The following NDUFB6 variants were observed in gnomAD, a reference collection of about 807,000 sequenced individuals.
The protein encoded by NDUFB6 is NADH dehydrogenase [ubiquinone] 1 beta subcomplex subunit 6.
A neutral mutation model predicts 17.5 loss-of-function variants in NDUFB6; 23 were observed. The observed-to-expected ratio is 1.31, with a 90% CI of 0.94 to 1.86. The LOEUF (loss-of-function observed/expected upper bound fraction) is 1.86. Ranked by LOEUF, NDUFB6 falls within the 40% of genes most tolerant of loss-of-function variation. NDUFB6 has a pLI of 0.00. For missense variants in NDUFB6, 167 were observed against 153.8 expected (o/e 1.09, Z -0.46); for synonymous variants, 60 against 53.5 (o/e 1.12, Z -0.53).
At chr9:32,566,521 C>T in intron 2 of NDUFB6, 1 of 770,218 alleles carries the variant, frequency 1.3e-6, no homozygotes, top group Non-Finnish European at 2.4e-6. Flanking sequence ...GAGACGGCTG[C>T]CACCCTTGGC....
intron 3 of NDUFB6, among the ~76,000 whole-genome samples, chr9:32,554,265 T>C (rs10971022): frequency 0.2 from 29,813 of 152,098 alleles, 3,212 homozygotes; most frequent in Non-Finnish European, 0.25. Context: ...CAGAAAGAAG[T>C]TGCAAGGAAA....
chr9:32,571,435 T>C (rs1358623389), intron 1 of NDUFB6, among the ~76,000 whole-genome samples: 1 of 152,246 alleles, frequency 6.6e-6, no homozygotes, highest in African/African-American at 2.4e-5. Context: ...TTTTCAGGTA[T>C]AGTCATCTCC....
At position 32,553,504 on chromosome 9, in the gene NDUFB6, A is replaced by T. The variant is rs1281354378; in HGVS notation, c.*372T>A. The stretch of plus-strand genomic sequence containing the variant: ...GCGCCTGGCCGGAAAGATTTCCTTA[A>T]AACAAAAGTGCATGGAATTGCTGTT... On this transcript the variant is annotated 3_prime_UTR_variant, in exon 4 of 4. Transcript: ENST00000379847. 1 of 206,844 alleles carries T rather than the reference A, an allele frequency of 4.8e-6. No homozygotes were observed. The highest frequency in any genetic ancestry group is 9.8e-6 in the Non-Finnish European group (1 of 101,742). The allele number at this position is 206,844 out of a possible 1,614,324, so 12.8% of individuals were successfully genotyped here.
chr9:32,557,449 A>C (rs1821496840), intron 3 of NDUFB6, among the ~76,000 whole-genome samples: 1 of 149,938 alleles, frequency 6.7e-6, no homozygotes, highest in Admixed American at 6.6e-5. Flanking sequence ...AATTACAGGC[A>C]TGAGCCCCCG....
intron 2 of NDUFB6, chr9:32,567,308 G>T (rs778295873): frequency 2.3e-5 from 11 of 470,328 alleles, no homozygotes; most frequent in Non-Finnish European, 4.4e-5. Context: ...TTCACTTCAC[G>T]TCTCTGTGCC....
chr9:32,568,694 ATG>A (rs1469087988), intron 2 of NDUFB6: 1 of 158,190 alleles, frequency 6.3e-6, no homozygotes, highest in African/African-American at 2.5e-5. Flanking sequence ...GTATATACGT[ATG>A]TATATATATG....
At chr9:32,556,353 T>G (rs4879587) in intron 3 of NDUFB6, among the ~76,000 whole-genome samples, 1 of 152,172 alleles carries the variant, frequency 6.6e-6, no homozygotes, top group African/African-American at 2.4e-5. Flanking sequence ...AATCATCCCC[T>G]GAGACATCCT....
At chr9:32,567,222 C>T (rs1485798369) in intron 2 of NDUFB6, 1 of 474,240 alleles carries the variant, frequency 2.1e-6, no homozygotes, top group East Asian at 6.9e-5. Flanking sequence ...GGCTCTACAC[C>T]AGGTGTGCTC....
intron 2 of NDUFB6, among the ~76,000 whole-genome samples, chr9:32,561,563 A>G (rs773730953): frequency 2.6e-5 from 4 of 152,076 alleles, no homozygotes; most frequent in Non-Finnish European, 4.4e-5. Context: ...CTCTGAGCTC[A>G]AGCAATCCAC....
At chr9:32,554,238 C>A (rs1445547870) in intron 3 of NDUFB6, among the ~76,000 whole-genome samples, 1 of 152,094 alleles carries the variant, frequency 6.6e-6, no homozygotes, top group African/African-American at 2.4e-5. Flanking sequence ...TTGTATGACC[C>A]CAATAAATGG....
intron 1 of NDUFB6, 77 bp downstream of exon 1, chr9:32,572,804 G>A: frequency 7.5e-7 from 1 of 1,337,982 alleles, no homozygotes; most frequent in East Asian, 2.4e-5. Context: ...TGTGGCTGCA[G>A]GGAGCGGACG....
At chr9:32,559,155 T>TC (rs1821558350) in intron 2 of NDUFB6, among the ~76,000 whole-genome samples, 1 of 152,128 alleles carries the variant, frequency 6.6e-6, no homozygotes, top group East Asian at 1.9e-4. Flanking sequence ...ACTTAACTTC[T>TC]CCCATCCCCA....
chr9:32,570,167 T>C (rs1437954738), intron 2 of NDUFB6, among the ~76,000 whole-genome samples: 2 of 152,150 alleles, frequency 1.3e-5, no homozygotes, highest in Admixed American at 1.3e-4. Context: ...ACCATCCTTC[T>C]TCCAGATGTC....
At chr9:32,556,930 C>A (rs12006078) in intron 3 of NDUFB6, among the ~76,000 whole-genome samples, 2,615 of 143,720 alleles carry the variant, frequency 0.018, 76 homozygotes, top group African/African-American at 0.063. Flanking sequence ...TGGCTCACTG[C>A]AACCTCTGCC....
intron 2 of NDUFB6, among the ~76,000 whole-genome samples, chr9:32,565,084 G>A (rs1292044645): frequency 6.6e-6 from 1 of 152,104 alleles, no homozygotes; most frequent in Non-Finnish European, 1.5e-5. Context: ...CTTGAGGTCA[G>A]GAGTTCAAGA....
intron 3 of NDUFB6, among the ~76,000 whole-genome samples, chr9:32,555,119 T>C (rs192313809): frequency 2.3e-3 from 344 of 151,250 alleles, no homozygotes; most frequent in African/African-American, 7.3e-3. Context: ...GTTAATAGAA[T>C]CTAAAAATTT....
intron 2 of NDUFB6, chr9:32,567,230 C>T: frequency 2.1e-6 from 1 of 474,028 alleles, no homozygotes; most frequent in South Asian, 1.5e-5. Flanking sequence ...ACCAGGTGTG[C>T]TCTGCAAAAC....
intron 2 of NDUFB6, chr9:32,566,859 C>T (rs1821808408): frequency 1.4e-6 from 1 of 724,046 alleles, no homozygotes; most frequent in East Asian, 3.1e-5. Flanking sequence ...GCCGGGCGGC[C>T]TGGATGAGCC....
chr9:32,555,789 A>G (rs769877923), intron 3 of NDUFB6, among the ~76,000 whole-genome samples: 5 of 152,250 alleles, frequency 3.3e-5, no homozygotes, highest in Non-Finnish European at 7.3e-5. Context: ...AATGAAAAGA[A>G]CAAACCCCCT....
Sources: allele counts gnomAD v4.1 joint callset (sites outside exome capture counted in the v4.1 genomes callset), GRCh38; gene constraint gnomAD v4.1.1; transcripts MANE v1.5; gene names NCBI Gene and HGNC (gene_info 2026-07-23, HGNC 2026-07-21).